The following NEO1 variants were observed in gnomAD, a reference collection of about 807,000 sequenced individuals.
The protein encoded by NEO1 is neogenin 1, also known as neogenin.
Under a neutral mutation model 159.7 loss-of-function variants are expected in NEO1, and 63 were observed. The observed-to-expected ratio is 0.39, with a 90% CI of 0.32 to 0.49. The LOEUF (loss-of-function observed/expected upper bound fraction) is 0.49. NEO1 is among the 20% of genes least tolerant of loss of function. NEO1 has a pLI of 0.85. For synonymous variants in NEO1, 633 were observed against 662.0 expected (o/e 0.96, Z 0.67); for missense variants, 1,615 against 1,831.0 (o/e 0.88, Z 2.15).
chr15:73,279,350 G>GTTTTTTTGTTTTTGTTTTT (rs1567679061), intron 22 of NEO1, among the ~76,000 whole-genome samples: 1 of 58,138 alleles, frequency 1.7e-5, no homozygotes, highest in African/African-American at 3.6e-5. Flanking sequence ...TTTTGGTTTT[G>GTTTTTTTGTTTTTGTTTTT]GTTTTTTTTT....
chr15:73,241,938 A>G (rs1165511673), intron 8 of NEO1, among the ~76,000 whole-genome samples: 1 of 152,186 alleles, frequency 6.6e-6, no homozygotes, highest in African/African-American at 2.4e-5. Context: ...AAAAATATAT[A>G]TATGATATTA....
intron 15 of NEO1, among the ~76,000 whole-genome samples, chr15:73,261,180 A>G (rs560528028): frequency 6.6e-6 from 1 of 152,140 alleles, no homozygotes; most frequent in South Asian, 2.1e-4. Flanking sequence ...TGGCTCATCT[A>G]GTATTTCACT....
At position 73,304,450 on chromosome 15, in the gene NEO1, C is replaced by CA. The variant is rs1313998213; in HGVS notation, c.*1755dup. 6.6e-6 allele frequency: 1 copy of CA among 152,348 alleles called. No homozygotes were observed. Among genetic ancestry groups the CA allele is most frequent in the East Asian group, 1.9e-4 (1 of 5,174 alleles). 9.4% of individuals were successfully genotyped at this position (152,348 alleles called of 1,614,324 possible). A position where few individuals can be genotyped will look rare whatever the true frequency, so the allele number is the denominator to read the frequency against. ...GAAACCACCAGTGGGTACCCCAGGC[C>CA]ACCTGCCTTTGAACTTGGGGATTTG... On this transcript the variant is annotated 3_prime_UTR_variant, in exon 29 of 29. Transcript: ENST00000261908.
At chr15:73,202,760 A>G (rs1159715860) in intron 7 of NEO1, among the ~76,000 whole-genome samples, 1 of 152,192 alleles carries the variant, frequency 6.6e-6, no homozygotes, top group Non-Finnish European at 1.5e-5. Context: ...TCATCTTGCA[A>G]AACTGAAACT....
chr15:73,249,151 T>C lies in NEO1; in HGVS notation c.1698T>C (p.Asn566=), dbSNP rs1230989337. 1.2e-6 allele frequency: 2 copies of C among 1,614,046 alleles called. No individual in the cohort carries two copies. The highest frequency in any genetic ancestry group is 1.7e-6 in the Non-Finnish European group (2 of 1,179,916). ...CGTGGGAAACACCAGTGTCTGGCAA[T>C]GGGGAAATTCAGAATTATAAATTGT... The part of the protein sequence containing the change: ...TVTWETPVSG[N]GEIQNYKLYY... Residue 566 remains asparagine (N), a synonymous_variant, in exon 10 of 29, where the codon AAT becomes AAC. Transcript: ENST00000261908.
intron 1 of NEO1, among the ~76,000 whole-genome samples, chr15:73,088,264 A>G (rs981828914): frequency 6.6e-6 from 1 of 152,038 alleles, no homozygotes; most frequent in Non-Finnish European, 1.5e-5. Context: ...TCTATGAGAC[A>G]TCTTTGTAGA....
At chr15:73,124,843 A>C (rs1270483814) in intron 3 of NEO1, among the ~76,000 whole-genome samples, 1 of 152,224 alleles carries the variant, frequency 6.6e-6, no homozygotes, top group African/African-American at 2.4e-5. Flanking sequence ...GTCTGCTGCC[A>C]AAAACACTTT....
intron 1 of NEO1, among the ~76,000 whole-genome samples, chr15:73,081,867 A>AT (rs35614949): frequency 0.41 from 53,540 of 131,684 alleles, 12,542 homozygotes; most frequent in Middle Eastern, 0.52. Flanking sequence ...AAATACTAGT[A>AT]TTTTTTTTTT....
intron 1 of NEO1, among the ~76,000 whole-genome samples, chr15:73,068,849 T>G (rs1326418329): frequency 1.3e-5 from 2 of 150,610 alleles, no homozygotes; most frequent in South Asian, 2.1e-4. Context: ...AAGAATAGTG[T>G]TTTTTTTTAA....
At chr15:73,187,901 T>G (rs2036022543) in intron 7 of NEO1, among the ~76,000 whole-genome samples, 2 of 152,210 alleles carry the variant, frequency 1.3e-5, no homozygotes, top group Admixed American at 1.3e-4. Context: ...AAACATTATA[T>G]TCTACGTTGG....
chr15:73,072,203 G>A (rs992883239), intron 1 of NEO1, among the ~76,000 whole-genome samples: 1 of 151,902 alleles, frequency 6.6e-6, no homozygotes, highest in Non-Finnish European at 1.5e-5. Context: ...TGCCTGCCTC[G>A]GCTTCCCAAA....
chr15:73,208,485 A>C (rs1263768829), intron 7 of NEO1, among the ~76,000 whole-genome samples: 1 of 152,146 alleles, frequency 6.6e-6, no homozygotes, highest in Non-Finnish European at 1.5e-5. Flanking sequence ...TTTTTTAAAA[A>C]CTGTTCCTTA....
chr15:73,065,855 T>C (rs4132536), intron 1 of NEO1, among the ~76,000 whole-genome samples: 47,639 of 151,922 alleles, frequency 0.31, 9,191 homozygotes, highest in Admixed American at 0.45. Context: ...ATCTCTCTGA[T>C]GGGTTCAGAA....
intron 1 of NEO1, among the ~76,000 whole-genome samples, chr15:73,078,458 T>C (rs1164269315): frequency 6.6e-6 from 1 of 152,208 alleles, no homozygotes; most frequent in African/African-American, 2.4e-5. Flanking sequence ...AGGAGCAGTA[T>C]AGGTGGCTGG....
intron 5 of NEO1, among the ~76,000 whole-genome samples, chr15:73,170,234 A>G (rs1180077639): frequency 6.6e-6 from 1 of 152,150 alleles, no homozygotes; most frequent in Admixed American, 6.5e-5. Flanking sequence ...CTTTTATCAT[A>G]TTGTTGGTAC....
chr15:73,260,581 C>A, intron 15 of NEO1, 116 bp downstream of exon 15: 2 of 922,960 alleles, frequency 2.2e-6, no homozygotes, highest in Non-Finnish European at 3.1e-6. Context: ...GTAATTTCTG[C>A]ATGTTATTCA....
chr15:73,258,628 C>G, intron 13 of NEO1, 138 bp from the exon 14 acceptor site: 1 of 634,464 alleles, frequency 1.6e-6, no homozygotes, highest in Non-Finnish European at 2.8e-6. Flanking sequence ...TTTGCCTACA[C>G]TGTATTAACT....
intron 8 of NEO1, among the ~76,000 whole-genome samples, chr15:73,237,424 T>G (rs1186832253): frequency 6.6e-6 from 1 of 152,346 alleles, no homozygotes; most frequent in East Asian, 1.9e-4. Context: ...ACATGCTGAC[T>G]GTTCACACAT....
At chr15:73,138,307 A>G (rs554440458) in intron 5 of NEO1, among the ~76,000 whole-genome samples, 1 of 152,364 alleles carries the variant, frequency 6.6e-6, no homozygotes, top group East Asian at 1.9e-4. Flanking sequence ...GATGTTGAAT[A>G]CACACAATTT....
Sources: allele counts gnomAD v4.1 joint callset (sites outside exome capture counted in the v4.1 genomes callset), GRCh38; gene constraint gnomAD v4.1.1; transcripts MANE v1.5; gene names NCBI Gene and HGNC (gene_info 2026-07-23, HGNC 2026-07-21).